Variants in ZSCAN25 observed in about 807,000 individuals in gnomAD.
ZSCAN25 encodes the protein zinc finger and SCAN domain-containing protein 25.
ZSCAN25 carries 27 observed loss-of-function variants against 38.7 expected under a neutral mutation model. The ratio of observed to expected loss-of-function variants is 0.70; its 90% confidence interval spans 0.51 to 0.96. ZSCAN25 has a LOEUF of 0.96. Among genes scored for constraint, ZSCAN25 ranks in the 40% least tolerant of loss-of-function variants. The pLI is 0.00. For missense variants in ZSCAN25, 637 were observed against 705.9 expected, an observed-to-expected ratio of 0.90 and a Z score of 1.11; for synonymous variants, 273 against 277.7, an observed-to-expected ratio of 0.98 and a Z score of 0.17.
At position 99,631,924 on chromosome 7, in the gene ZSCAN25, G is replaced by A. The variant is rs921446260; in HGVS notation, c.*1904G>A. ...TCCCCCGTAATTATCAGAGCAGCTA[G>A]GCAGGGCTGACAGCCAGGCAGACTC... On this transcript the variant is annotated 3_prime_UTR_variant, in exon 8 of 8. Coordinates refer to ENST00000394152, the MANE Select transcript of ZSCAN25 (RefSeq NM_145115.3). 4.1e-6 allele frequency: 4 copies of A among 985,378 alleles called. No homozygotes were observed. Among genetic ancestry groups the A allele is most frequent in the Admixed American group, 1.2e-4 (2 of 16,268 alleles). 61.0% of individuals were successfully genotyped at this position (985,378 alleles called of 1,614,324 possible).
At chr7:99,687,066 A>G in the ZSCAN25 span, among the ~76,000 whole-genome samples, 1 of 150,726 alleles carries the variant, frequency 6.6e-6, no homozygotes, top group Non-Finnish European at 1.5e-5. Flanking sequence ...AACCACAAAG[A>G]TGGGGAAAAA....
At chr7:99,719,328 G>A in the ZSCAN25 span, among the ~76,000 whole-genome samples, 2 of 152,136 alleles carry the variant, frequency 1.3e-5, no homozygotes, top group Non-Finnish European at 2.9e-5. Flanking sequence ...GGACAGAATA[G>A]CAAATGAAAG....
the ZSCAN25 span, among the ~76,000 whole-genome samples, chr7:99,706,111 G>A: frequency 1.3e-5 from 2 of 152,114 alleles, no homozygotes; most frequent in African/African-American, 4.8e-5. Flanking sequence ...ACACCTTCAG[G>A]AAGCATTATC....
chr7:99,700,338 G>A, the ZSCAN25 span, among the ~76,000 whole-genome samples: 3 of 152,096 alleles, frequency 2.0e-5, no homozygotes, highest in East Asian at 3.9e-4. Flanking sequence ...TGGAGCCATT[G>A]GCATGAAGCC....
chr7:99,713,552 A>C, the ZSCAN25 span: 1 of 1,613,190 alleles, frequency 6.2e-7, no homozygotes, highest in Non-Finnish European at 8.5e-7. Flanking sequence ...GCAAAAAGAG[A>C]AATTTTATTG....
the ZSCAN25 span, among the ~76,000 whole-genome samples, chr7:99,661,879 T>G: frequency 3.3e-5 from 5 of 152,258 alleles, no homozygotes; most frequent in African/African-American, 1.2e-4. Context: ...CTATTTAAAT[T>G]CAAATTTTAT....
At chr7:99,637,361 A>T (rs1325791493), downstream of ZSCAN25, among the ~76,000 whole-genome samples, 1 of 152,202 alleles carries the variant, frequency 6.6e-6, no homozygotes, top group East Asian at 1.9e-4. Context: ...GGTGTACCCC[A>T]TTATTGCTCC....
the ZSCAN25 span, among the ~76,000 whole-genome samples, chr7:99,650,806 TC>T: frequency 1.3e-5 from 2 of 151,888 alleles, no homozygotes; most frequent in Admixed American, 6.6e-5. Flanking sequence ...CCTCTCTTTC[TC>T]CCCCACACCC....
At chr7:99,715,175 G>T in the ZSCAN25 span, among the ~76,000 whole-genome samples, 1 of 152,212 alleles carries the variant, frequency 6.6e-6, no homozygotes, top group East Asian at 1.9e-4. Flanking sequence ...ATAAGTTGAA[G>T]TAGAAATTAA....
the ZSCAN25 span, chr7:99,638,317 C>T: frequency 6.2e-7 from 1 of 1,605,994 alleles, no homozygotes; most frequent in Non-Finnish European, 8.5e-7. Context: ...GAGGGCTGCC[C>T]ATACCAGTTC....
chr7:99,722,261 C>T, the ZSCAN25 span: 2 of 1,612,796 alleles, frequency 1.2e-6, no homozygotes, highest in Middle Eastern at 1.7e-4. Context: ...ATCATAGAAA[C>T]AAGTCTATCC....
At chr7:99,633,290 A>G (rs1007056657), downstream of ZSCAN25, among the ~76,000 whole-genome samples, 1 of 152,164 alleles carries the variant, frequency 6.6e-6, no homozygotes, top group Non-Finnish European at 1.5e-5. Context: ...CACATTATAG[A>G]TTGTGACATG....
At chr7:99,723,210 C>T in the ZSCAN25 span, among the ~76,000 whole-genome samples, 3 of 152,150 alleles carry the variant, frequency 2.0e-5, no homozygotes, top group Non-Finnish European at 4.4e-5. Flanking sequence ...CAACCAAAAA[C>T]TACAAATAGG....
chr7:99,679,640 A>G, the ZSCAN25 span, among the ~76,000 whole-genome samples: 1 of 152,170 alleles, frequency 6.6e-6, no homozygotes, highest in African/African-American at 2.4e-5. Context: ...GATGGGAGAA[A>G]TGCTTATTTA....
In ZSCAN25 at chr7:99,625,369, A is replaced by G. The variant is rs1807380779; in HGVS notation, c.805+1189A>G. ...CAGAGGTGGACTTGGCTCTGTGGCC[A>G]TTGCTGTTCTGGTCACTATGAAGAG... On this transcript the variant is annotated intron_variant, in intron 7 of 7. Transcript: ENST00000394152. Among the ~76,000 whole-genome samples the G allele has an allele frequency of 1.3e-5, 2 of 152,128 alleles. 1 individual carries two copies. The highest frequency in any genetic ancestry group is 1.3e-4 in the Admixed American group (2 of 15,280).
the ZSCAN25 span, chr7:99,638,402 G>C: frequency 6.3e-7 from 1 of 1,592,330 alleles, no homozygotes; most frequent in Non-Finnish European, 8.6e-7. Flanking sequence ...GGTCCTGCTT[G>C]TTGGTGAAGA....
intron 7 of ZSCAN25, among the ~76,000 whole-genome samples, chr7:99,626,446 T>C (rs920947747): frequency 6.6e-6 from 1 of 152,110 alleles, no homozygotes; most frequent in Non-Finnish European, 1.5e-5. Flanking sequence ...TGAAATAGTG[T>C]AGGCACTGGG....
chr7:99,669,017 G>T, the ZSCAN25 span, among the ~76,000 whole-genome samples: 1 of 152,098 alleles, frequency 6.6e-6, no homozygotes, highest in South Asian at 2.1e-4. Flanking sequence ...CTTGCTTTCT[G>T]TTCTATTTTC....
the ZSCAN25 span, among the ~76,000 whole-genome samples, chr7:99,712,591 G>C: frequency 6.6e-6 from 1 of 152,216 alleles, no homozygotes; most frequent in African/African-American, 2.4e-5. Context: ...TATTGGGATA[G>C]ATAGAGAGAT....
Sources: allele counts gnomAD v4.1 joint callset (sites outside exome capture counted in the v4.1 genomes callset), GRCh38; gene constraint gnomAD v4.1.1; transcripts MANE v1.5; gene names NCBI Gene and HGNC (gene_info 2026-07-23, HGNC 2026-07-21).